Variants in RNFT2 observed in about 807,000 individuals in gnomAD.
RNFT2 encodes the protein ring finger protein, transmembrane 2.
A neutral mutation model predicts 53.0 loss-of-function variants in RNFT2; 36 were observed. The ratio of observed to expected loss-of-function variants is 0.68; its 90% confidence interval spans 0.52 to 0.90. The LOEUF (loss-of-function observed/expected upper bound fraction) is 0.90. Among genes scored for constraint, RNFT2 ranks in the 40% least tolerant of loss-of-function variants. The pLI is 0.00. For missense variants in RNFT2, 514 were observed against 585.6 expected (o/e 0.88, Z 1.26); for synonymous variants, 260 against 253.2 (o/e 1.03, Z -0.26).
chr12:116,741,125 G>A (rs1381308715), intron 3 of RNFT2, 31 bp downstream of exon 3: 7 of 1,589,358 alleles, frequency 4.4e-6, no homozygotes, highest in Non-Finnish European at 6.0e-6. Context: ...TCCATCTGAG[G>A]GCTCTAGGCT....
At chr12:116,767,279 G>A (rs1361481168) in intron 6 of RNFT2, among the ~76,000 whole-genome samples, 6 of 151,866 alleles carry the variant, frequency 4.0e-5, no homozygotes, top group African/African-American at 9.7e-5. Context: ...TGGCAGTGGT[G>A]TGATCATGGC....
At chr12:116,833,539 TG>T (rs1412672507) in intron 7 of RNFT2, among the ~76,000 whole-genome samples, 2 of 152,266 alleles carry the variant, frequency 1.3e-5, no homozygotes, top group African/African-American at 4.8e-5. Flanking sequence ...TCTCCTACCC[TG>T]AAACTCGATC....
chr12:116,785,807 G>A (rs1410108248), intron 7 of RNFT2, among the ~76,000 whole-genome samples: 1 of 152,148 alleles, frequency 6.6e-6, no homozygotes, highest in African/African-American at 2.4e-5. Flanking sequence ...CCAGCACTTT[G>A]GGAGGCCAAG....
chr12:116,739,163 A>T (rs1365765773), intron 1 of RNFT2, among the ~76,000 whole-genome samples: 1 of 152,196 alleles, frequency 6.6e-6, no homozygotes, highest in African/African-American at 2.4e-5. Context: ...ACTGATATAG[A>T]CACCCTATAT....
intron 3 of RNFT2, among the ~76,000 whole-genome samples, chr12:116,744,796 A>G (rs2137064982): frequency 6.6e-6 from 1 of 152,220 alleles, no homozygotes; most frequent in Middle Eastern, 3.4e-3. Flanking sequence ...CCCCTTGGTG[A>G]GTTGAGTCTT....
intron 7 of RNFT2, among the ~76,000 whole-genome samples, chr12:116,831,579 T>C (rs1295194526): frequency 6.6e-6 from 1 of 152,082 alleles, no homozygotes; most frequent in Non-Finnish European, 1.5e-5. Context: ...TGACCATTCC[T>C]ATAGGCACAT....
rs558162084 is a variant in RNFT2 at position 116,753,255 on chromosome 12, G to A, written c.551-729G>A. 2.1e-5 allele frequency among the ~76,000 whole-genome samples: 3 copies of A among 144,758 alleles called. No individual in the cohort carries two copies. In the East Asian group the frequency reaches 6.5e-4, roughly 31 times the overall value. The allele number at this position is 144,758 out of a possible 152,430, so 95.0% of individuals were successfully genotyped here. ...AGCCTCCCCATCCTGGGTTCAAGCA[G>A]TTCTTGTGCCTCAGCCTCCTGGGTA... On this transcript the variant is annotated intron_variant, in intron 4 of 10. Coordinates refer to ENST00000257575, the MANE Select transcript of RNFT2 (RefSeq NM_001382266.1).
chr12:116,801,644 G>A (rs1874794686), intron 7 of RNFT2, among the ~76,000 whole-genome samples: 1 of 152,228 alleles, frequency 6.6e-6, no homozygotes, highest in African/African-American at 2.4e-5. Context: ...GAAGATAAGA[G>A]CATTAGCAGC....
At chr12:116,768,541 C>T (rs377312847) in intron 6 of RNFT2, among the ~76,000 whole-genome samples, 47 of 152,256 alleles carry the variant, frequency 3.1e-4, no homozygotes, top group East Asian at 2.5e-3. Flanking sequence ...GCCATCATAA[C>T]GCTGTAGCAC....
At chr12:116,808,879 G>A (rs1009987001) in intron 7 of RNFT2, among the ~76,000 whole-genome samples, 25 of 151,980 alleles carry the variant, frequency 1.6e-4, no homozygotes, top group Non-Finnish European at 2.8e-4. Flanking sequence ...GCACTGGGCC[G>A]TTGGAAATCG....
At chr12:116,848,890 G>A (rs1040874460) in intron 10 of RNFT2, among the ~76,000 whole-genome samples, 1 of 151,976 alleles carries the variant, frequency 6.6e-6, no homozygotes, top group African/African-American at 2.4e-5. Context: ...CACAAACTCA[G>A]CTCACTGCAA....
chr12:116,759,734 A>G (rs1366176273), intron 5 of RNFT2, among the ~76,000 whole-genome samples: 5 of 152,166 alleles, frequency 3.3e-5, no homozygotes, highest in African/African-American at 1.2e-4. Flanking sequence ...TCTCTCAGCC[A>G]TGGATACCAG....
At chr12:116,744,972 T>C (rs1871827031) in intron 3 of RNFT2, among the ~76,000 whole-genome samples, 1 of 152,060 alleles carries the variant, frequency 6.6e-6, no homozygotes, top group African/African-American at 2.4e-5. Context: ...TGAGCTGAGC[T>C]CTTTGAAGTG....
At chr12:116,745,801 T>C (rs1483767475) in intron 3 of RNFT2, among the ~76,000 whole-genome samples, 1 of 152,212 alleles carries the variant, frequency 6.6e-6, no homozygotes, top group Non-Finnish European at 1.5e-5. Context: ...AAACACTTTT[T>C]ATTAAGCATG....
chr12:116,762,658 C>A (rs1872735408), intron 5 of RNFT2, among the ~76,000 whole-genome samples: 1 of 151,224 alleles, frequency 6.6e-6, no homozygotes, highest in South Asian at 2.1e-4. Flanking sequence ...CGGCTCACTG[C>A]AACCTCTGCC....
chr12:116,844,590 A>G (rs1429125106), intron 10 of RNFT2, among the ~76,000 whole-genome samples: 1 of 152,238 alleles, frequency 6.6e-6, no homozygotes, highest in Admixed American at 6.5e-5. Context: ...ATATTTCTAA[A>G]TTTGTAAATA....
rs1262328360 is a variant in RNFT2 at position 116,849,296 on chromosome 12, T to C, written c.1201-18T>C. Reference sequence around the variant, plus strand: ...CTCAGTAAAGAGTCCTGGTGCCTGCTGATTGCTGTCCCCGCAGCACGTGTT... The same window carrying C: ...CTCAGTAAAGAGTCCTGGTGCCTGCCGATTGCTGTCCCCGCAGCACGTGTT... On this transcript the variant is annotated intron_variant, in intron 10 of 10. Coordinates refer to ENST00000257575, the MANE Select transcript of RNFT2 (RefSeq NM_001382266.1). 4 of 1,525,552 alleles carry C rather than the reference T, an allele frequency of 2.6e-6. No homozygotes were observed. The African/African-American group carries it at 5.5e-5, about 21-fold the overall frequency. The allele number at this position is 1,525,552 out of a possible 1,614,324, so 94.5% of individuals were successfully genotyped here.
chr12:116,767,619 G>A (rs998066646), intron 6 of RNFT2, among the ~76,000 whole-genome samples: 10 of 151,536 alleles, frequency 6.6e-5, no homozygotes, highest in African/African-American at 1.7e-4. Flanking sequence ...TCACTCTGTC[G>A]CCCAGGCTGG....
chr12:116,811,450 A>T (rs779694840), intron 7 of RNFT2, among the ~76,000 whole-genome samples: 3 of 150,918 alleles, frequency 2.0e-5, no homozygotes, highest in Non-Finnish European at 4.4e-5. Context: ...ATCTCGGCTC[A>T]CTGCAACCTC....
Sources: allele counts gnomAD v4.1 joint callset (sites outside exome capture counted in the v4.1 genomes callset), GRCh38; gene constraint gnomAD v4.1.1; transcripts MANE v1.5; gene names NCBI Gene and HGNC (gene_info 2026-07-23, HGNC 2026-07-21).